Variants in SLC6A6 observed in about 807,000 individuals in gnomAD.
SLC6A6 encodes the protein solute carrier family 6 member 6, also known as sodium- and chloride-dependent taurine transporter.
In SLC6A6, 16 loss-of-function variants were observed where a neutral mutation model predicts 68.8. The observed-to-expected ratio is 0.23, with a 90% CI of 0.16 to 0.35. The LOEUF (loss-of-function observed/expected upper bound fraction) is 0.35. Among genes scored for constraint, SLC6A6 ranks in the 10% least tolerant of loss-of-function variants. SLC6A6 has a pLI of 1.00. For synonymous variants in SLC6A6, 312 were observed against 315.4 expected (o/e 0.99, Z 0.12); for missense variants, 474 against 802.8 (o/e 0.59, Z 4.95).
In SLC6A6 at chr3:14,443,643, C is replaced by G. The variant is rs534999901; in HGVS notation, c.9C>G (p.Thr3=). The G allele has an allele frequency of 3.7e-6, 6 of 1,610,018 alleles. No individual in the cohort carries two copies. In the South Asian group the frequency reaches 5.5e-5, roughly 15 times the overall value. Residue 3 remains threonine, a synonymous_variant, in exon 3 of 15, where the codon ACC becomes ACG. Coordinates refer to ENST00000622186, the MANE Select transcript of SLC6A6 (RefSeq NM_003043.6). ...CCATAGAAAGCAAGGAGATGGCCAC[C>G]AAGGAGAAGCTGCAGTGTCTGAAAG... MA[T]KEKLQCLKDF...
rs1701000268 is a variant in SLC6A6 at position 14,481,258 on chromosome 3, G to A, written c.1552-413G>A. Among the ~76,000 whole-genome samples, 1 of 151,536 alleles carries A rather than the reference G, an allele frequency of 6.6e-6. No individual in the cohort carries two copies. Among genetic ancestry groups the A allele is most frequent in the Admixed American group, 6.6e-5 (1 of 15,188 alleles). The stretch of plus-strand genomic sequence containing the variant: ...GCCAAGTTAGGATGAGAAGATGTGG[G>A]GGAAAGAGGGCCAGGCAGAGGAAAC... On this transcript the variant is annotated intron_variant, in intron 13 of 14. Coordinates refer to ENST00000622186, the MANE Select transcript of SLC6A6 (RefSeq NM_003043.6). This position sits in a 1 kb window ranked among gnomAD's most constrained non-coding sequence, Gnocchi z 4.7.
chr3:14,446,717 A>G (rs55957528), intron 4 of SLC6A6, among the ~76,000 whole-genome samples: 29,924 of 152,068 alleles, frequency 0.2, 3,185 homozygotes, highest in East Asian at 0.39. Context: ...TCTATGAAAT[A>G]GAAATATAGT....
At position 14,405,907 on chromosome 3, in the gene SLC6A6, G is replaced by C. The variant is rs938891066; in HGVS notation, c.-54+3060G>C. Among the ~76,000 whole-genome samples, 8 of 152,280 alleles carry C rather than the reference G, an allele frequency of 5.3e-5. No individual in the cohort carries two copies. The East Asian group carries it at 1.5e-3, about 29-fold the overall frequency. ...CTGCAATGGCCATTACCATCCGTAGGATACAGTGAAGAAGACCCAAGGAGC... is the reference window on the plus strand; with the variant it reads ...CTGCAATGGCCATTACCATCCGTAGCATACAGTGAAGAAGACCCAAGGAGC... On this transcript the variant is annotated intron_variant, in intron 1 of 14. Transcript: ENST00000622186.
rs534650659 is a variant in SLC6A6, at chr3:14,485,800, G to T, written c.*793G>T. On this transcript the variant is annotated 3_prime_UTR_variant, in exon 15 of 15. Transcript: ENST00000622186. Reference sequence around the variant, plus strand: ...ATGGTGAGTGGATAGTCAGTAGACCGTCAGAACCACTGGCCAGAGAGGGAG... The same window carrying T: ...ATGGTGAGTGGATAGTCAGTAGACCTTCAGAACCACTGGCCAGAGAGGGAG... The T allele has an allele frequency of 2.0e-5, 3 of 152,510 alleles. No homozygotes were observed. The South Asian group carries it at 6.2e-4, about 32-fold the overall frequency. 9.4% of individuals were successfully genotyped at this position (152,510 alleles called of 1,614,324 possible).
At chr3:14,408,234 G>A (rs932197127) in intron 1 of SLC6A6, among the ~76,000 whole-genome samples, 4 of 152,154 alleles carry the variant, frequency 2.6e-5, no homozygotes, top group East Asian at 1.9e-4. Flanking sequence ...CAAGCAATAC[G>A]AAACTGCATA....
rs140583049 is a variant in SLC6A6 at position 14,457,254 on chromosome 3, C to CCT, written c.600-689_600-688dup. On this transcript the variant is annotated intron_variant, in intron 5 of 14. Coordinates refer to ENST00000622186, the MANE Select transcript of SLC6A6 (RefSeq NM_003043.6). ...AATTATCCTTAAAACCGTTTACCTGCCTCTCTCTGAGACCCTCAAAACCCT... is the reference window on the plus strand; with the variant it reads ...AATTATCCTTAAAACCGTTTACCTGCCTCTCTCTCTGAGACCCTCAAAACCCT... Among the ~76,000 whole-genome samples the CCT allele has an allele frequency of 9.2e-5, 14 of 152,310 alleles. No individual in the cohort carries two copies. In the East Asian group the frequency reaches 1.7e-3, roughly 19 times the overall value.
At chr3:14,454,887 A>G (rs1700335206) in intron 5 of SLC6A6, among the ~76,000 whole-genome samples, 1 of 152,126 alleles carries the variant, frequency 6.6e-6, no homozygotes, top group Admixed American at 6.6e-5. Context: ...AGCATGTCTC[A>G]TGCACTGTTC....
chr3:14,479,067 C>T lies in SLC6A6; in HGVS notation c.1451-18C>T. On this transcript the variant is annotated intron_variant, in intron 12 of 14. Coordinates refer to ENST00000622186, the MANE Select transcript of SLC6A6 (RefSeq NM_003043.6). Reference sequence around the variant, plus strand: ...CTTGAACGCTGTGTCAGAAAATGTCCCCCTCTGTCTCTTGCAGGAGGTGAT... The same window carrying T: ...CTTGAACGCTGTGTCAGAAAATGTCTCCCTCTGTCTCTTGCAGGAGGTGAT... The T allele has an allele frequency of 6.5e-7, 1 of 1,546,086 alleles. No individual in the cohort carries two copies.
chr3:14,425,037 G>T (rs774104214), intron 2 of SLC6A6, among the ~76,000 whole-genome samples: 2 of 152,188 alleles, frequency 1.3e-5, no homozygotes, highest in Non-Finnish European at 2.9e-5. Flanking sequence ...AAGAAGGGGC[G>T]GAGTCAAGGT....
At chr3:14,454,146 A>G (rs1420419927) in intron 5 of SLC6A6, among the ~76,000 whole-genome samples, 1 of 152,174 alleles carries the variant, frequency 6.6e-6, no homozygotes, top group East Asian at 1.9e-4. Context: ...GACGTGGAGC[A>G]GAGGAGGGAT....
chr3:14,427,109 C>T (rs536663924), intron 2 of SLC6A6, among the ~76,000 whole-genome samples: 12 of 144,984 alleles, frequency 8.3e-5, no homozygotes, highest in African/African-American at 2.3e-4. Flanking sequence ...GGGTGTCTTC[C>T]GCACTCTCTG....
intron 1 of SLC6A6, chr3:14,411,132 C>T (rs553548103): frequency 6.6e-6 from 1 of 152,600 alleles, no homozygotes; most frequent in South Asian, 2.1e-4. Context: ...GCATGTCACT[C>T]TCTTGCTCAA....
intron 1 of SLC6A6, among the ~76,000 whole-genome samples, chr3:14,412,985 AAC>A (rs1699283337): frequency 6.6e-6 from 1 of 152,226 alleles, no homozygotes; most frequent in African/African-American, 2.4e-5. Flanking sequence ...TTCACTACTG[AAC>A]AGTGTCCTCG....
At chr3:14,453,009 G>A (rs1013040599) in intron 5 of SLC6A6, among the ~76,000 whole-genome samples, 1 of 152,240 alleles carries the variant, frequency 6.6e-6, no homozygotes, top group Non-Finnish European at 1.5e-5. Context: ...TGCAAACAAG[G>A]CCTGCTCAGC....
rs57960231 is a variant in SLC6A6 at position 14,450,079 on chromosome 3, C to T, written c.599+2263C>T. Among the ~76,000 whole-genome samples the T allele has an allele frequency of 9.9e-3, 1,508 of 152,214 alleles. 25 individuals carry two copies. The highest frequency in any genetic ancestry group is 0.034 in the African/African-American group (1,429 of 41,532). On this transcript the variant is annotated intron_variant, in intron 5 of 14. Transcript: ENST00000622186. This position sits in a 1 kb window ranked among gnomAD's most constrained non-coding sequence, Gnocchi z 4.1. ...TCCATTATTATTTATCGAGTGCCCT[C>T]ATAGTGCATAAAACTACCCCTCAGG...
Position 14,468,226 on chromosome 3 carries a change from G to A in SLC6A6, c.1096+14G>A, listed in dbSNP as rs772610600. The A allele has an allele frequency of 2.7e-5, 44 of 1,609,790 alleles. No homozygotes were observed. Among genetic ancestry groups the A allele is most frequent in the African/African-American group, 5.4e-5 (4 of 74,510 alleles). On this transcript the variant is annotated intron_variant, in intron 9 of 14. Coordinates refer to ENST00000622186, the MANE Select transcript of SLC6A6 (RefSeq NM_003043.6). This position sits in a 1 kb window ranked among gnomAD's most constrained non-coding sequence, Gnocchi z 4.5. ...TGGCTGAGTCAGGTACGGTGGTATC[G>A]GTGGCAGTGGTGGTGGGCACTGCCA...
intron 5 of SLC6A6, among the ~76,000 whole-genome samples, chr3:14,456,728 AGG>A (rs537537412): frequency 1.2e-4 from 18 of 152,206 alleles, no homozygotes; most frequent in Admixed American, 1.2e-3. Context: ...ATTTTACAAA[AGG>A]GGAAACTGAG....
intron 6 of SLC6A6, 61 bp from the exon 7 acceptor site, chr3:14,466,455 G>A (rs1301019526): frequency 1.6e-5 from 25 of 1,547,930 alleles, no homozygotes; most frequent in East Asian, 2.3e-5. Flanking sequence ...CTGAGAGGAT[G>A]CTCAGACTTA....
At chr3:14,434,006 C>CG (rs1323819672) in intron 2 of SLC6A6, among the ~76,000 whole-genome samples, 2 of 152,134 alleles carry the variant, frequency 1.3e-5, no homozygotes, top group African/African-American at 4.8e-5. Context: ...TTGGGGGCCC[C>CG]GTCCCCTCTT....
Sources: allele counts gnomAD v4.1 joint callset (sites outside exome capture counted in the v4.1 genomes callset), GRCh38; gene constraint gnomAD v4.1.1; non-coding constraint Gnocchi (gnomAD v3.1); transcripts MANE v1.5; gene names NCBI Gene and HGNC (gene_info 2026-07-23, HGNC 2026-07-21).